Variants in EPHA6 observed in about 807,000 individuals in gnomAD.
EPHA6 encodes the protein ephrin type-A receptor 6.
Under a neutral mutation model 112.0 loss-of-function variants are expected in EPHA6, and 50 were observed. The observed-to-expected ratio is 0.45, with a 90% CI of 0.36 to 0.56. The LOEUF is 0.56. EPHA6 is among the 20% of genes least tolerant of loss of function. EPHA6 has a pLI of 0.00. For missense variants in EPHA6, 1,280 were observed against 1,417.4 expected (o/e 0.90, Z 1.56); for synonymous variants, 529 against 490.7 (o/e 1.08, Z -1.03).
chr3:97,461,779 C>G (rs1456277818), intron 7 of EPHA6, among the ~76,000 whole-genome samples: 1 of 152,062 alleles, frequency 6.6e-6, no homozygotes, highest in Admixed American at 6.6e-5. Context: ...GAGTGGAATT[C>G]CCCAAGGTAT....
chr3:97,074,633 A>C (rs1011780087), intron 3 of EPHA6, among the ~76,000 whole-genome samples: 2 of 152,032 alleles, frequency 1.3e-5, no homozygotes, highest in Admixed American at 1.3e-4. Flanking sequence ...TTTTATACAT[A>C]AAATTTTGAT....
chr3:96,887,537 G>A (rs2037700707), intron 2 of EPHA6, among the ~76,000 whole-genome samples: 1 of 152,146 alleles, frequency 6.6e-6, no homozygotes, highest in Non-Finnish European at 1.5e-5. Context: ...CCTAGCTTTG[G>A]TGGTTTAATG....
At chr3:96,994,738 G>T (rs913907638) in intron 3 of EPHA6, among the ~76,000 whole-genome samples, 4,776 of 117,234 alleles carry the variant, frequency 0.041, 91 homozygotes, top group Non-Finnish European at 0.054. Flanking sequence ...TATATAGAGA[G>T]AGAGAGAGAG....
intron 10 of EPHA6, among the ~76,000 whole-genome samples, chr3:97,524,030 G>A (rs1004727317): frequency 6.6e-6 from 1 of 151,864 alleles, no homozygotes; most frequent in Admixed American, 6.6e-5. Context: ...ATTGGATCTT[G>A]TTTTTTAATC....
chr3:97,600,374 G>A (rs1172046955), intron 12 of EPHA6, among the ~76,000 whole-genome samples: 1 of 150,426 alleles, frequency 6.6e-6, no homozygotes, highest in African/African-American at 2.5e-5. Context: ...TCCAGTTTTT[G>A]CCCATTCAGT....
chr3:97,451,253 A>G (rs1156512231), intron 7 of EPHA6, among the ~76,000 whole-genome samples: 1 of 152,010 alleles, frequency 6.6e-6, no homozygotes, highest in Non-Finnish European at 1.5e-5. Context: ...GCAAGACCCT[A>G]TGCTGAGCAA....
intron 4 of EPHA6, among the ~76,000 whole-genome samples, chr3:97,238,630 A>G (rs563683185): frequency 2.7e-4 from 41 of 152,090 alleles, no homozygotes; most frequent in Non-Finnish European, 3.8e-4. Context: ...GTGAAATATT[A>G]AGTACACCCC....
At chr3:96,896,056 T>G (rs1373287218) in intron 2 of EPHA6, among the ~76,000 whole-genome samples, 1 of 152,190 alleles carries the variant, frequency 6.6e-6, no homozygotes, top group Non-Finnish European at 1.5e-5. Context: ...AAATCACCTA[T>G]CAATGCATTT....
chr3:97,412,690 A>G (rs2087809888), intron 6 of EPHA6, among the ~76,000 whole-genome samples: 1 of 152,106 alleles, frequency 6.6e-6, no homozygotes, highest in African/African-American at 2.4e-5. Flanking sequence ...TAAGGATGAA[A>G]CAGTAATTCA....
At chr3:97,013,981 A>G (rs540446808) in intron 3 of EPHA6, among the ~76,000 whole-genome samples, 29 of 151,980 alleles carry the variant, frequency 1.9e-4, no homozygotes, top group Non-Finnish European at 3.8e-4. Flanking sequence ...TCCACCACCC[A>G]ATCTGTCTTA....
At chr3:97,461,300 G>A (rs550333201) in intron 7 of EPHA6, among the ~76,000 whole-genome samples, 3 of 152,298 alleles carry the variant, frequency 2.0e-5, no homozygotes, top group Non-Finnish European at 2.9e-5. Flanking sequence ...TTCAAGCTTT[G>A]TACTTACTTA....
intron 10 of EPHA6, among the ~76,000 whole-genome samples, chr3:97,529,705 CT>C (rs1219384782): frequency 3.9e-5 from 6 of 151,956 alleles, no homozygotes; most frequent in African/African-American, 1.4e-4. Context: ...TTAATACATT[CT>C]GTTACTGAGC....
intron 13 of EPHA6, among the ~76,000 whole-genome samples, chr3:97,622,811 G>A (rs1185983181): frequency 6.6e-6 from 1 of 151,810 alleles, no homozygotes; most frequent in Non-Finnish European, 1.5e-5. Context: ...CCTGATGGAT[G>A]TGAAGTGGTG....
rs1305266854 is a variant in EPHA6 at position 96,934,553 on chromosome 3, T to TCTGC, written c.451-52777_451-52776insCTGC. ...AAGCAGAACTAGCTACTTTACTGGTTTTTTGTTGTGTTAAACTACCTATTG... is the reference window on the plus strand; with the variant it reads ...AAGCAGAACTAGCTACTTTACTGGTTCTGCTTTTGTTGTGTTAAACTACCTATTG... On this transcript the variant is annotated intron_variant, in intron 2 of 17. Transcript: ENST00000389672. Among the ~76,000 whole-genome samples the TCTGC allele has an allele frequency of 2.8e-4, 43 of 151,658 alleles. 1 individual carries two copies. In the South Asian group the frequency reaches 8.9e-3, roughly 31 times the overall value.
At chr3:97,348,566 T>A (rs1368043218) in intron 5 of EPHA6, among the ~76,000 whole-genome samples, 1 of 151,892 alleles carries the variant, frequency 6.6e-6, no homozygotes, top group Non-Finnish European at 1.5e-5. Flanking sequence ...ATTACTATCA[T>A]ATTGAAAAAG....
chr3:96,996,165 G>A (rs2043412685), intron 3 of EPHA6, among the ~76,000 whole-genome samples: 2 of 152,078 alleles, frequency 1.3e-5, no homozygotes, highest in Admixed American at 6.6e-5. Flanking sequence ...TCCATGAAGG[G>A]CAACTCCTGA....
At chr3:97,605,215 G>A (rs1285227876) in intron 12 of EPHA6, among the ~76,000 whole-genome samples, 1 of 151,264 alleles carries the variant, frequency 6.6e-6, no homozygotes, top group Non-Finnish European at 1.5e-5. Context: ...GTCAAGTAGA[G>A]ATAACAAGAA....
intron 3 of EPHA6, among the ~76,000 whole-genome samples, chr3:97,166,419 G>C (rs2076543812): frequency 6.6e-6 from 1 of 151,894 alleles, no homozygotes; most frequent in South Asian, 2.1e-4. Flanking sequence ...ATGATGTTGG[G>C]GGGTGGGGAG....
intron 11 of EPHA6, among the ~76,000 whole-genome samples, chr3:97,539,007 CTT>C (rs1560112988): frequency 2.7e-5 from 4 of 149,990 alleles, no homozygotes; most frequent in Non-Finnish European, 5.9e-5. Flanking sequence ...TTCTTTCTTT[CTT>C]TCTTTCTTTC....
Sources: allele counts gnomAD v4.1 joint callset (sites outside exome capture counted in the v4.1 genomes callset), GRCh38; gene constraint gnomAD v4.1.1; transcripts MANE v1.5; gene names NCBI Gene and HGNC (gene_info 2026-07-23, HGNC 2026-07-21).